CTNNA3: variants seen among roughly 807,000 people sequenced by gnomAD.
CTNNA3 encodes the protein catenin alpha-3.
Under a neutral mutation model 95.7 loss-of-function variants are expected in CTNNA3, and 76 were observed. The ratio of observed to expected loss-of-function variants is 0.79; its 90% CI spans 0.66 to 0.96. CTNNA3 has a LOEUF of 0.96. Among genes scored for constraint, CTNNA3 ranks in the 40% least tolerant of loss-of-function variants. The pLI, the probability that CTNNA3 is intolerant of heterozygous loss-of-function variation, is 0.00. For synonymous variants in CTNNA3, 431 were observed against 374.4 expected, an observed-to-expected ratio of 1.15 and a Z score of -1.74; for missense variants, 1,191 against 1,089.8, an observed-to-expected ratio of 1.09 and a Z score of -1.31.
At chr10:67,077,570 C>G (rs1332973515) in intron 7 of CTNNA3, among the ~76,000 whole-genome samples, 1 of 152,088 alleles carries the variant, frequency 6.6e-6, no homozygotes, top group Non-Finnish European at 1.5e-5. Context: ...CTACTTGATT[C>G]ATTCATCTCA....
chr10:67,388,880 A>G (rs1402755081), intron 5 of CTNNA3, among the ~76,000 whole-genome samples: 1 of 152,208 alleles, frequency 6.6e-6, no homozygotes, highest in Non-Finnish European at 1.5e-5. Flanking sequence ...TGTCACCACC[A>G]GGCCGGCCTT....
chr10:66,443,325 G>T (rs900191154), intron 11 of CTNNA3, among the ~76,000 whole-genome samples: 1 of 152,160 alleles, frequency 6.6e-6, no homozygotes, highest in Non-Finnish European at 1.5e-5. Flanking sequence ...CTCCCAGCAC[G>T]CAGCTGGAGA....
intron 15 of CTNNA3, among the ~76,000 whole-genome samples, chr10:65,998,963 C>T (rs141815422): frequency 3.3e-4 from 50 of 152,210 alleles, no homozygotes; most frequent in African/African-American, 1.0e-3. Flanking sequence ...TTCTCAAAAT[C>T]ATTATTAGCA....
intron 9 of CTNNA3, among the ~76,000 whole-genome samples, chr10:66,700,801 T>C (rs1209213655): frequency 6.6e-6 from 1 of 152,208 alleles, no homozygotes; most frequent in Non-Finnish European, 1.5e-5. Context: ...AGTATTTTGC[T>C]AATTTGTTCC....
chr10:65,989,414 A>G (rs2078493353), intron 15 of CTNNA3, among the ~76,000 whole-genome samples: 1 of 152,062 alleles, frequency 6.6e-6, no homozygotes, highest in Admixed American at 6.6e-5. Flanking sequence ...GCCTAGAGAT[A>G]CCCTTCATAG....
chr10:67,481,467 A>T (rs1250131419), intron 5 of CTNNA3, among the ~76,000 whole-genome samples: 2 of 152,210 alleles, frequency 1.3e-5, no homozygotes, highest in African/African-American at 4.8e-5. Flanking sequence ...AATCAGTAGC[A>T]GTTCTATATA....
At chr10:67,216,778 C>G (rs1202265228) in intron 6 of CTNNA3, among the ~76,000 whole-genome samples, 1 of 152,146 alleles carries the variant, frequency 6.6e-6, no homozygotes, top group Non-Finnish European at 1.5e-5. Context: ...CTGCTTTTTC[C>G]CTCCTCACAG....
chr10:66,118,346 T>G (rs74142672), intron 13 of CTNNA3: 1 of 152,192 alleles, frequency 6.6e-6, no homozygotes, highest in Admixed American at 6.5e-5. Flanking sequence ...TGAAATGTTG[T>G]TTTCAAAACC....
chr10:66,422,585 T>A (rs979497588), intron 11 of CTNNA3, among the ~76,000 whole-genome samples: 3 of 152,148 alleles, frequency 2.0e-5, no homozygotes, highest in African/African-American at 7.2e-5. Context: ...TGATAGACTC[T>A]TACAGTGAAT....
chr10:65,949,515 C>G (rs560796145), intron 17 of CTNNA3, among the ~76,000 whole-genome samples: 1 of 152,076 alleles, frequency 6.6e-6, no homozygotes, highest in African/African-American at 2.4e-5. Context: ...ACAAAGAGAG[C>G]CTGAGAGAAA....
intron 7 of CTNNA3, among the ~76,000 whole-genome samples, chr10:66,973,996 G>GT (rs1168625977): frequency 1.3e-5 from 2 of 151,990 alleles, no homozygotes; most frequent in Non-Finnish European, 2.9e-5. Flanking sequence ...GGTTTAATAG[G>GT]TTTTACCAAC....
intron 13 of CTNNA3, among the ~76,000 whole-genome samples, chr10:66,183,084 C>T (rs918474089): frequency 1.3e-5 from 2 of 152,124 alleles, no homozygotes; most frequent in Admixed American, 6.5e-5. Flanking sequence ...TCCAAAATCA[C>T]AAAATGGCTA....
At chr10:66,328,251 T>A (rs1186540735) in intron 12 of CTNNA3, among the ~76,000 whole-genome samples, 1 of 152,152 alleles carries the variant, frequency 6.6e-6, no homozygotes, top group East Asian at 1.9e-4. Context: ...AGCATTATTA[T>A]TGTCATGTTA....
chr10:67,112,688 T>A (rs1858971593), intron 7 of CTNNA3, among the ~76,000 whole-genome samples: 1 of 152,002 alleles, frequency 6.6e-6, no homozygotes, highest in African/African-American at 2.4e-5. Context: ...GTTCTAACAC[T>A]GTAATTAATT....
intron 3 of CTNNA3, among the ~76,000 whole-genome samples, chr10:67,558,981 C>A (rs529861731): frequency 6.6e-6 from 1 of 152,130 alleles, no homozygotes; most frequent in Admixed American, 6.5e-5. Context: ...ACAAAGCAGC[C>A]GGGAAGCTCG....
At chr10:67,188,636 T>C (rs1182547331) in intron 6 of CTNNA3, among the ~76,000 whole-genome samples, 1 of 152,148 alleles carries the variant, frequency 6.6e-6, no homozygotes, top group Non-Finnish European at 1.5e-5. Flanking sequence ...GCAATCCCAC[T>C]ACTGTGTATA....
intron 1 of CTNNA3, among the ~76,000 whole-genome samples, chr10:67,676,945 C>T (rs1840546666): frequency 6.6e-6 from 1 of 150,972 alleles, no homozygotes; most frequent in Non-Finnish European, 1.5e-5. Context: ...CTTTGGTGTT[C>T]TTTCTCACTA....
intron 11 of CTNNA3, among the ~76,000 whole-genome samples, chr10:66,501,617 C>G (rs55856935): frequency 0.15 from 23,170 of 152,146 alleles, 1,846 homozygotes; most frequent in Non-Finnish European, 0.17. Context: ...CATTCATTCC[C>G]CCCATACTAT....
In CTNNA3 at chr10:65,988,726, C is replaced by A. The variant is rs1244151036; in HGVS notation, c.2231G>T (p.Arg744Met). The change falls in exon 16 of 18, where the codon AGG (arginine) becomes ATG (methionine). Residue 744 changes from arginine (R) to methionine (M), a missense_variant. Transcript: ENST00000433211. ...AATCTGCCGAGCAAGGACATCCATC[C>A]TTGATCCTGATTCTGATATCATTTT... ...AAKMISESGSRMDVLARQIAN... is the reference protein window; with the variant it reads ...AAKMISESGSMMDVLARQIAN... The A allele has an allele frequency of 3.1e-6, 5 of 1,613,816 alleles. No homozygotes were observed. Among genetic ancestry groups the A allele is most frequent in the Non-Finnish European group, 4.2e-6 (5 of 1,179,952 alleles).
Sources: allele counts gnomAD v4.1 joint callset (sites outside exome capture counted in the v4.1 genomes callset), GRCh38; gene constraint gnomAD v4.1.1; transcripts MANE v1.5; gene names NCBI Gene and HGNC (gene_info 2026-07-23, HGNC 2026-07-21).